KCNH8: variants seen among roughly 807,000 people sequenced by gnomAD.
KCNH8 encodes the protein voltage-gated delayed rectifier potassium channel KCNH8.
In KCNH8, 70 loss-of-function variants were observed where a neutral mutation model predicts 103.6. The ratio of observed to expected loss-of-function variants is 0.68; its 90% CI spans 0.56 to 0.82. The LOEUF (loss-of-function observed/expected upper bound fraction) is 0.82. Ranked by LOEUF, KCNH8 falls within the 40% of genes least tolerant of loss-of-function variation. The pLI is 0.00. For missense variants in KCNH8, 1,217 were observed against 1,329.9 expected (o/e 0.92, Z 1.32); for synonymous variants, 498 against 489.4 (o/e 1.02, Z -0.23).
intron 11 of KCNH8, among the ~76,000 whole-genome samples, chr3:19,501,784 T>G (rs1325529684): frequency 2.0e-5 from 3 of 152,094 alleles, no homozygotes; most frequent in Non-Finnish European, 2.9e-5. Flanking sequence ...CTCAAAATAA[T>G]AAGAGCTATC....
chr3:19,477,410 A>AT (rs1393475623), intron 11 of KCNH8, among the ~76,000 whole-genome samples: 2 of 149,804 alleles, frequency 1.3e-5, no homozygotes, highest in African/African-American at 2.5e-5. Context: ...GAATGTGAGG[A>AT]TTTTTTTGGT....
chr3:19,252,767 T>C (rs148260705), intron 1 of KCNH8, among the ~76,000 whole-genome samples: 4 of 152,136 alleles, frequency 2.6e-5, no homozygotes, highest in Non-Finnish European at 5.9e-5. Flanking sequence ...ATATGCATAA[T>C]CTCATTAATT....
intron 7 of KCNH8, among the ~76,000 whole-genome samples, chr3:19,424,067 A>G (rs1212786555): frequency 6.6e-6 from 1 of 152,166 alleles, no homozygotes; most frequent in East Asian, 1.9e-4. Context: ...TGCAGTTCCC[A>G]TCAACATACC....
chr3:19,175,770 C>T (rs972412123), intron 1 of KCNH8, among the ~76,000 whole-genome samples: 1 of 152,078 alleles, frequency 6.6e-6, no homozygotes, highest in African/African-American at 2.4e-5. Flanking sequence ...CATCTTGATT[C>T]TTCTGTTGAT....
intron 6 of KCNH8, among the ~76,000 whole-genome samples, chr3:19,394,474 G>A (rs574418023): frequency 5.4e-5 from 8 of 148,948 alleles, no homozygotes; most frequent in African/African-American, 7.3e-5. Context: ...CTGAGAGAGC[G>A]CTGAGAGAGA....
At chr3:19,221,161 A>T (rs1196738396) in intron 1 of KCNH8, among the ~76,000 whole-genome samples, 1 of 152,240 alleles carries the variant, frequency 6.6e-6, no homozygotes, top group Non-Finnish European at 1.5e-5. Flanking sequence ...TGAGCAGTAT[A>T]TACTTAAATA....
intron 11 of KCNH8, among the ~76,000 whole-genome samples, chr3:19,493,704 C>A (rs2068374976): frequency 6.6e-6 from 1 of 152,132 alleles, no homozygotes; most frequent in African/African-American, 2.4e-5. Flanking sequence ...AGCTTTTGCT[C>A]ATTCCATATG....
chr3:19,163,415 T>G (rs1179500452), intron 1 of KCNH8, among the ~76,000 whole-genome samples: 8 of 151,814 alleles, frequency 5.3e-5, no homozygotes, highest in Admixed American at 6.6e-5. Flanking sequence ...TATTATTATT[T>G]AATACTTACT....
intron 1 of KCNH8, among the ~76,000 whole-genome samples, chr3:19,199,075 T>C (rs961705042): frequency 2.0e-5 from 3 of 152,048 alleles, no homozygotes; most frequent in Admixed American, 6.6e-5. Flanking sequence ...AAATAGGAAA[T>C]ATGCTGTAAG....
rs747136399 is a variant in KCNH8, at chr3:19,390,441, T to C, written c.812-40T>C. 19 of 1,487,546 alleles carry C rather than the reference T, an allele frequency of 1.3e-5. No individual in the cohort carries two copies. In the South Asian group the frequency reaches 2.1e-4, roughly 16 times the overall value. The allele number at this position is 1,487,546 out of a possible 1,614,324, so 92.1% of individuals were successfully genotyped here. On this transcript the variant is annotated intron_variant, in intron 5 of 15. Transcript: ENST00000328405. ...TTCCTACCTTCTTTATTCTTCTCTG[T>C]CTCTTCCTTTTATTTCTCAACCTTT...
chr3:19,218,063 A>G (rs1467471568), intron 1 of KCNH8, among the ~76,000 whole-genome samples: 1 of 152,202 alleles, frequency 6.6e-6, no homozygotes, highest in Non-Finnish European at 1.5e-5. Context: ...GACTTCTGTC[A>G]TTTTAAATTA....
chr3:19,329,845 G>T (rs955960784), intron 3 of KCNH8, among the ~76,000 whole-genome samples: 1 of 151,754 alleles, frequency 6.6e-6, no homozygotes, highest in African/African-American at 2.4e-5. Flanking sequence ...TACACAAGTG[G>T]CTCCTTCCCA....
chr3:19,378,065 G>C (rs1168860888), intron 5 of KCNH8, among the ~76,000 whole-genome samples: 1 of 152,102 alleles, frequency 6.6e-6, no homozygotes, highest in Non-Finnish European at 1.5e-5. Context: ...TGTTGGGGGC[G>C]GTTCTCTTAG....
chr3:19,332,066 T>TTTTC (rs1553638577), intron 3 of KCNH8, among the ~76,000 whole-genome samples: 1 of 152,010 alleles, frequency 6.6e-6, no homozygotes, highest in Non-Finnish European at 1.5e-5. Context: ...TTTTTTTTTT[T>TTTTC]TTCACATACA....
intron 3 of KCNH8, among the ~76,000 whole-genome samples, chr3:19,282,313 A>G (rs151181226): frequency 9.0e-4 from 137 of 152,252 alleles, no homozygotes; most frequent in African/African-American, 3.1e-3. Context: ...TATTTTACAT[A>G]TGCAAGGGAA....
At chr3:19,450,720 A>G (rs1433537834) in intron 9 of KCNH8, 2 of 285,928 alleles carry the variant, frequency 7.0e-6, no homozygotes, top group African/African-American at 4.5e-5. Flanking sequence ...GACTGCCACT[A>G]TAAAAACAGT....
intron 4 of KCNH8, among the ~76,000 whole-genome samples, chr3:19,344,129 A>G (rs949403554): frequency 6.6e-6 from 1 of 151,860 alleles, no homozygotes; most frequent in African/African-American, 2.4e-5. Context: ...ACTGGTGCCT[A>G]TTTACATCCC....
At chr3:19,258,935 CTCTCTCTCTCTCTATATA>C (rs1180704581) in intron 2 of KCNH8, among the ~76,000 whole-genome samples, 395 of 83,368 alleles carry the variant, frequency 4.7e-3, no homozygotes, top group African/African-American at 0.011. Flanking sequence ...CTCTCTCTCT[CTCTCTCTCTCTCTATATA>C]TATATATATA....
intron 7 of KCNH8, among the ~76,000 whole-genome samples, chr3:19,417,608 C>T (rs558858095): frequency 1.3e-5 from 2 of 151,872 alleles, no homozygotes; most frequent in South Asian, 4.2e-4. Context: ...TTTCGGTTAC[C>T]AGGAATATAA....
Sources: gnomAD v4.1 joint callset for allele counts (sites outside exome capture counted in the v4.1 genomes callset) on GRCh38, gnomAD v4.1.1 for gene constraint, MANE v1.5 for transcripts, NCBI Gene and HGNC (gene_info 2026-07-23, HGNC 2026-07-21) for gene names.